Variants in SNX18 observed in about 807,000 individuals in gnomAD.
The protein encoded by SNX18 is sorting nexin 18.
In SNX18, 35 loss-of-function variants were observed where a neutral mutation model predicts 48.7. That is an observed-to-expected ratio of 0.72 (90% CI 0.55 to 0.95). SNX18 has a LOEUF of 0.95. Ranked by LOEUF, SNX18 falls within the 40% of genes least tolerant of loss-of-function variation. The pLI, the probability that SNX18 is intolerant of heterozygous loss-of-function variation, is 0.00. For synonymous variants in SNX18, 492 were observed against 384.7 expected, an observed-to-expected ratio of 1.28 and a Z score of -3.26; for missense variants, 824 against 871.0, an observed-to-expected ratio of 0.95 and a Z score of 0.68.
intron 1 of SNX18, among the ~76,000 whole-genome samples, chr5:54,535,259 G>A (rs1435775921): frequency 6.6e-6 from 1 of 152,182 alleles, no homozygotes; most frequent in African/African-American, 2.4e-5. Flanking sequence ...AAAGAAAAAA[G>A]GTAGGAGGGG....
chr5:54,572,051 A>C, the SNX18 span, among the ~76,000 whole-genome samples: 1 of 151,944 alleles, frequency 6.6e-6, no homozygotes, highest in African/African-American at 2.4e-5. Flanking sequence ...TTATTTTTTA[A>C]ATTGGTGGGG....
intron 1 of SNX18, among the ~76,000 whole-genome samples, chr5:54,540,110 C>A (rs1482985024): frequency 6.6e-6 from 1 of 152,148 alleles, no homozygotes; most frequent in Non-Finnish European, 1.5e-5. Flanking sequence ...TACATGCTGG[C>A]AGATCCTGGG....
chr5:54,521,561 C>G (rs1056360738), intron 1 of SNX18, among the ~76,000 whole-genome samples: 7 of 151,656 alleles, frequency 4.6e-5, no homozygotes, highest in African/African-American at 1.7e-4. Context: ...GTTAGCGTGG[C>G]ATGGTGGCTC....
chr5:54,616,423 A>G, the SNX18 span, among the ~76,000 whole-genome samples: 23,026 of 152,128 alleles, frequency 0.15, 2,050 homozygotes, highest in African/African-American at 0.24. Flanking sequence ...TACATTAACT[A>G]TTCACTCTGA....
chr5:54,533,653 A>G (rs1392581055), intron 1 of SNX18, among the ~76,000 whole-genome samples: 1 of 152,196 alleles, frequency 6.6e-6, no homozygotes, highest in Non-Finnish European at 1.5e-5. Flanking sequence ...AAATGGTGGC[A>G]ATGATTACTT....
At chr5:54,611,754 G>A in the SNX18 span, among the ~76,000 whole-genome samples, 1 of 152,280 alleles carries the variant, frequency 6.6e-6, no homozygotes, top group East Asian at 1.9e-4. Context: ...AAGTGGGGGT[G>A]GGGGCTGGAA....
the SNX18 span, among the ~76,000 whole-genome samples, chr5:54,588,306 C>CTTTTTTTT: frequency 7.3e-4 from 54 of 73,910 alleles, 5 homozygotes; most frequent in East Asian, 1.2e-3. Context: ...TATTTCTATT[C>CTTTTTTTT]TTTTTTTTTT....
the SNX18 span, among the ~76,000 whole-genome samples, chr5:54,634,229 A>G: frequency 2.0e-5 from 3 of 152,192 alleles, no homozygotes; most frequent in African/African-American, 4.8e-5. Flanking sequence ...TTATAAGGCT[A>G]TGGTTGAATC....
At chr5:54,540,714 C>G (rs1252506427) in intron 1 of SNX18, among the ~76,000 whole-genome samples, 1 of 152,150 alleles carries the variant, frequency 6.6e-6, no homozygotes, top group African/African-American at 2.4e-5. Context: ...AAGCTGGGCT[C>G]TAGTAATTAG....
rs376291219 is a variant in SNX18 at position 54,519,201 on chromosome 5, G to T, written c.1249G>T (p.Ala417Ser). 8.1e-6 allele frequency: 13 copies of T among 1,613,882 alleles called. No individual in the cohort carries two copies. Among genetic ancestry groups the T allele is most frequent in the Non-Finnish European group, 1.0e-5 (12 of 1,179,898 alleles). Residue 417 changes from alanine to serine, a missense_variant, in exon 1 of 2, where the codon GCT becomes TCT. Physicochemically the swap from Ala to Ser is moderately conservative, Grantham distance 99. This residue lies in a region of SNX18 where 443 missense variants were observed against 503.6 expected (regional missense o/e 0.88). Coordinates refer to ENST00000381410, the MANE Select transcript of SNX18 (RefSeq NM_001102575.2). Reference protein sequence around the residue: ...FFLTLSTPPAAALDLQEVESK... With the variant: ...FFLTLSTPPASALDLQEVESK... ...CCTGACCCTTAGCACGCCCCCCGCCGCTGCCCTTGACCTGCAGGAGGTGGA... is the reference window on the plus strand; with the variant it reads ...CCTGACCCTTAGCACGCCCCCCGCCTCTGCCCTTGACCTGCAGGAGGTGGA...
At chr5:54,572,762 A>ATG in the SNX18 span, among the ~76,000 whole-genome samples, 43 of 93,378 alleles carry the variant, frequency 4.6e-4, 1 homozygote, top group Non-Finnish European at 6.6e-4. Flanking sequence ...GTGTATATAT[A>ATG]TATATATATA....
the SNX18 span, among the ~76,000 whole-genome samples, chr5:54,555,415 G>A: frequency 1.4e-5 from 2 of 144,292 alleles, no homozygotes; most frequent in South Asian, 2.2e-4. Context: ...TCATTATGTT[G>A]CCCAGGCTGG....
At position 54,545,627 on chromosome 5, in the gene SNX18, CATT is replaced by C. The variant is rs1336764213; in HGVS notation, c.*2198_*2200del. The C allele has an allele frequency of 2.6e-5, 4 of 152,158 alleles. No individual in the cohort carries two copies. Among genetic ancestry groups the C allele is most frequent in the African/African-American group, 4.8e-5 (2 of 41,438 alleles). The allele number at this position is 152,158 out of a possible 1,614,324, so 9.4% of individuals were successfully genotyped here. A position where few individuals can be genotyped will look rare whatever the true frequency, so the allele number is the denominator to read the frequency against. ...AATTTCATTCTTCATAACCACATAA[CATT>C]ATAATGCCACTGATTCATACGGGAT... On this transcript the variant is annotated 3_prime_UTR_variant, in exon 2 of 2. Coordinates refer to ENST00000381410, the MANE Select transcript of SNX18 (RefSeq NM_001102575.2).
the SNX18 span, among the ~76,000 whole-genome samples, chr5:54,607,893 C>T: frequency 6.6e-6 from 1 of 152,104 alleles, no homozygotes; most frequent in East Asian, 1.9e-4. Flanking sequence ...AAGATCATGC[C>T]ACTGCACTCC....
the SNX18 span, among the ~76,000 whole-genome samples, chr5:54,612,286 T>G: frequency 6.6e-6 from 1 of 150,866 alleles, no homozygotes; most frequent in African/African-American, 2.4e-5. Flanking sequence ...TGAGATGGAG[T>G]CTCACTTTGT....
chr5:54,609,894 G>A, the SNX18 span, among the ~76,000 whole-genome samples: 1 of 152,186 alleles, frequency 6.6e-6, no homozygotes, highest in South Asian at 2.1e-4. Context: ...GAATGGTTTA[G>A]CATCATCTGC....
At chr5:54,628,747 C>T in the SNX18 span, among the ~76,000 whole-genome samples, 4 of 151,418 alleles carry the variant, frequency 2.6e-5, no homozygotes, top group South Asian at 8.3e-4. Context: ...TGGAGTCTGG[C>T]CTGGGAAACA....
the SNX18 span, among the ~76,000 whole-genome samples, chr5:54,639,043 A>G: frequency 6.6e-6 from 1 of 152,228 alleles, no homozygotes; most frequent in East Asian, 1.9e-4. Context: ...AATAGAGAGG[A>G]ATACAAATGT....
the SNX18 span, among the ~76,000 whole-genome samples, chr5:54,590,431 G>C: frequency 6.6e-6 from 1 of 152,162 alleles, no homozygotes; most frequent in African/African-American, 2.4e-5. Flanking sequence ...GCCTAAGTCA[G>C]ATTATTGGTT....
Sources: allele counts gnomAD v4.1 joint callset (sites outside exome capture counted in the v4.1 genomes callset), GRCh38; gene constraint gnomAD v4.1.1; regional missense constraint gnomAD v4.1.1; transcripts MANE v1.5; gene names NCBI Gene and HGNC (gene_info 2026-07-23, HGNC 2026-07-21).